SOD2: variants seen among roughly 807,000 people sequenced by gnomAD.
SOD2 encodes the protein superoxide dismutase [Mn], mitochondrial.
Under a neutral mutation model 27.0 loss-of-function variants are expected in SOD2, and 11 were observed. The observed-to-expected ratio is 0.41, with a 90% CI of 0.26 to 0.67. The LOEUF is 0.67. Among genes scored for constraint, SOD2 ranks in the 30% least tolerant of loss-of-function variants. The pLI is 0.34. For synonymous variants in SOD2, 105 were observed against 103.0 expected, an observed-to-expected ratio of 1.02 and a Z score of -0.12; for missense variants, 250 against 274.5, an observed-to-expected ratio of 0.91 and a Z score of 0.63.
chr6:159,702,937 A>G lies in SOD2; in HGVS notation c.-115-10074T>C, dbSNP rs73599348. ...TCAGGAGGCTAAGGTAGGACTGCTT[A>G]ATCCCAGGGGTTCGAGGCTGCAGTG... On this transcript the variant is annotated intron_variant, in intron 1 of 2. Transcript: ENST00000401980. Among the ~76,000 whole-genome samples, 1,186 of 151,106 alleles carry G rather than the reference A, an allele frequency of 7.8e-3. 17 individuals are homozygous for G. Among genetic ancestry groups the G allele is most frequent in the African/African-American group, 0.026 (1,087 of 41,100 alleles).
upstream of SOD2, chr6:159,727,594 C>T (rs1778270242): frequency 5.1e-6 from 5 of 986,512 alleles, no homozygotes; most frequent in African/African-American, 1.8e-5. Flanking sequence ...GCGGGGCCGG[C>T]GGCAGAGCTG....
rs573152185 is a variant in SOD2, at chr6:159,721,833, C to A, written c.-116+5296G>T. 2.8e-3 allele frequency among the ~76,000 whole-genome samples: 427 copies of A among 152,066 alleles called. 2 individuals are homozygous for A. The highest frequency in any genetic ancestry group is 9.8e-3 in the African/African-American group (408 of 41,502). The stretch of plus-strand genomic sequence containing the variant: ...AGCCACCACACCCAGCCTGTAATTT[C>A]TTTTACAATTAGGTAAGTAGCCTGT... On this transcript the variant is annotated intron_variant, in intron 1 of 2. Coordinates refer to the SOD2 transcript ENST00000401980.
chr6:159,739,117 C>CT, intron 1 of SOD2: 1 of 1,237,650 alleles, frequency 8.1e-7, no homozygotes, highest in East Asian at 2.4e-5. Context: ...CTGTAATTGT[C>CT]TTTGTGCCAG....
At chr6:159,754,079 T>G (rs1476327879) in intron 1 of SOD2, among the ~76,000 whole-genome samples, 2 of 152,234 alleles carry the variant, frequency 1.3e-5, no homozygotes, top group African/African-American at 4.8e-5. Context: ...AGATAAAACT[T>G]GTCAGCCTCC....
chr6:159,756,615 T>TTTTTA (rs1554266233), intron 1 of SOD2, among the ~76,000 whole-genome samples: 44 of 133,646 alleles, frequency 3.3e-4, no homozygotes, highest in Admixed American at 3.0e-4. Flanking sequence ...TTTTTTTTTT[T>TTTTTA]AATTGAGACA....
upstream of SOD2, among the ~76,000 whole-genome samples, chr6:159,747,830 C>T (rs921347349): frequency 1.3e-5 from 2 of 152,124 alleles, no homozygotes; most frequent in African/African-American, 4.8e-5. Flanking sequence ...TATGTAGCCA[C>T]TTTAAGTCCC....
chr6:159,682,521 G>A lies in SOD2; in HGVS notation c.641C>T (p.Thr214Ile). 2 of 1,613,710 alleles carry A rather than the reference G, an allele frequency of 1.2e-6. No individual in the cohort carries two copies. The highest frequency in any genetic ancestry group is 1.7e-5 in the Admixed American group (1 of 59,908). Residue 214 changes from threonine to isoleucine, a missense_variant, in exon 5 of 5, where the codon ACT becomes ATT. By Grantham distance (89) the Thr-to-Ile change is moderately conservative. Coordinates refer to ENST00000538183, the MANE Select transcript of SOD2 (RefSeq NM_000636.4). ...IWNVINWENV[T>I]ERYMACKK ...CTTTTTGCAAGCCATGTATCTTTCA[G>A]TTACATTCTCCCAGTTGATTACATT...
At chr6:159,735,710 C>G (rs143752329) in intron 1 of SOD2, among the ~76,000 whole-genome samples, 1 of 152,120 alleles carries the variant, frequency 6.6e-6, no homozygotes, top group African/African-American at 2.4e-5. Context: ...GATCGCGCCA[C>G]TGCACTCCAT....
chr6:159,696,040 G>T (rs1777416534), upstream of SOD2, among the ~76,000 whole-genome samples: 3 of 152,234 alleles, frequency 2.0e-5, no homozygotes, highest in South Asian at 6.2e-4. Context: ...GGGTTGAGAT[G>T]AAGTCATTTT....
At chr6:159,746,050 A>C (rs1353412448), upstream of SOD2, among the ~76,000 whole-genome samples, 1 of 152,214 alleles carries the variant, frequency 6.6e-6, no homozygotes, top group Non-Finnish European at 1.5e-5. Flanking sequence ...GAAAACAGGA[A>C]ATCCAGCATT....
At chr6:159,756,403 A>G (rs550261644) in intron 1 of SOD2, 3 of 152,556 alleles carry the variant, frequency 2.0e-5, no homozygotes, top group South Asian at 2.1e-4. Flanking sequence ...TTATCCTTCA[A>G]GTACCACAAC....
chr6:159,749,329 T>C, upstream of SOD2: 1 of 985,836 alleles, frequency 1.0e-6, no homozygotes, highest in Non-Finnish European at 1.2e-6. Flanking sequence ...AAAAGAGCTT[T>C]GTCGTTGGTG....
At chr6:159,712,882 G>T in intron 1 of SOD2, 1 of 640,236 alleles carries the variant, frequency 1.6e-6, no homozygotes, top group Non-Finnish European at 3.0e-6. Flanking sequence ...CTACATAGGT[G>T]TGTTCATAAA....
At chr6:159,755,278 G>A (rs1214637327) in intron 1 of SOD2, 1 of 1,614,200 alleles carries the variant, frequency 6.2e-7, no homozygotes, top group South Asian at 1.1e-5. Flanking sequence ...CCCGCCAGAG[G>A]ACGTCTGGGT....
upstream of SOD2, among the ~76,000 whole-genome samples, chr6:159,697,043 A>ACT (rs1278425528): frequency 6.8e-6 from 1 of 147,162 alleles, no homozygotes. Flanking sequence ...TGACACACAC[A>ACT]CACACACACA....
chr6:159,724,260 G>A (rs1778096810), intron 1 of SOD2, among the ~76,000 whole-genome samples: 1 of 152,136 alleles, frequency 6.6e-6, no homozygotes. Flanking sequence ...TCAAAGTGCT[G>A]GGATTACAGG....
chr6:159,753,397 A>G, intron 1 of SOD2: 2 of 1,608,962 alleles, frequency 1.2e-6, no homozygotes, highest in Non-Finnish European at 1.7e-6. Context: ...TCACTGTAAT[A>G]ATTGTAAGCA....
intron 1 of SOD2, chr6:159,713,013 T>C: frequency 1.6e-6 from 1 of 639,026 alleles, no homozygotes; most frequent in Non-Finnish European, 2.9e-6. Flanking sequence ...ACATCTGCCC[T>C]ACCAGTAAAC....
chr6:159,750,141 A>G (rs1779766215), upstream of SOD2, among the ~76,000 whole-genome samples: 1 of 152,230 alleles, frequency 6.6e-6, no homozygotes, highest in Non-Finnish European at 1.5e-5. Context: ...GTTGGAGGGT[A>G]AGTAACCAGA....
Sources: allele counts gnomAD v4.1 joint callset (sites outside exome capture counted in the v4.1 genomes callset), GRCh38; gene constraint gnomAD v4.1.1; transcripts MANE v1.5; gene names NCBI Gene and HGNC (gene_info 2026-07-23, HGNC 2026-07-21).